Variants in GSDME observed in about 807,000 individuals in gnomAD.
The protein encoded by GSDME is gasdermin E.
Under a neutral mutation model 47.5 loss-of-function variants are expected in GSDME, and 44 were observed. That is an observed-to-expected ratio of 0.93 (90% CI 0.73 to 1.19). GSDME has a LOEUF of 1.19. Ranked by LOEUF, GSDME falls within the 50% of genes most tolerant of loss-of-function variation. The pLI is 0.00. For missense variants in GSDME, 663 were observed against 604.2 expected, an observed-to-expected ratio of 1.10 and a Z score of -1.02; for synonymous variants, 258 against 252.8, an observed-to-expected ratio of 1.02 and a Z score of -0.20.
At chr7:24,727,988 C>T (rs1422759799) in intron 3 of GSDME, among the ~76,000 whole-genome samples, 3 of 152,164 alleles carry the variant, frequency 2.0e-5, no homozygotes, top group African/African-American at 4.8e-5. Flanking sequence ...CACTAGCTGC[C>T]GTCCCCAGCA....
At chr7:24,707,806 C>G in intron 7 of GSDME, 1 of 521,776 alleles carries the variant, frequency 1.9e-6, no homozygotes, top group Non-Finnish European at 3.4e-6. Context: ...CAGCAGAATT[C>G]TCTCCTAGAT....
In GSDME at chr7:24,728,330, T is replaced by C. The variant is rs1308295888; in HGVS notation, c.405-9112A>G. On this transcript the variant is annotated intron_variant, in intron 3 of 9. Coordinates refer to ENST00000645220, the MANE Select transcript of GSDME (RefSeq NM_001127453.2). The surrounding 1 kb of genome is among the most constrained non-coding windows in gnomAD (Gnocchi z 7.2). ...GCCCACAGAGCCACCGAACTGACCT[T>C]CTGCCGTTAACCATTCAGTCAACCG... 2.6e-5 allele frequency among the ~76,000 whole-genome samples: 4 copies of C among 152,188 alleles called. No homozygotes were observed. Among genetic ancestry groups the C allele is most frequent in the African/African-American group, 9.7e-5 (4 of 41,436 alleles).
chr7:24,704,663 AGTCAGTCTCACATTATGT>A (rs1225541931), intron 8 of GSDME: 5 of 152,192 alleles, frequency 3.3e-5, no homozygotes, highest in Non-Finnish European at 7.3e-5. Flanking sequence ...AGAAACAGCA[AGTCAGTCTCACATTATGT>A]GTCAACTGCG....
At chr7:24,782,728 G>A in the GSDME span, among the ~76,000 whole-genome samples, 2 of 152,200 alleles carry the variant, frequency 1.3e-5, no homozygotes, top group African/African-American at 4.8e-5. Context: ...TCCAGCACCT[G>A]TTGTTTCCTG....
In GSDME at chr7:24,728,758, A is replaced by C. The variant is rs1188430473; in HGVS notation, c.405-9540T>G. ...CCATTTCAACCACGTTTCATAACAGAAACTTCCCACACATCAGAGATGCTC... is the reference window on the plus strand; with the variant it reads ...CCATTTCAACCACGTTTCATAACAGCAACTTCCCACACATCAGAGATGCTC... On this transcript the variant is annotated intron_variant, in intron 3 of 9. Transcript: ENST00000645220. This position sits in a 1 kb window ranked among gnomAD's most constrained non-coding sequence, Gnocchi z 7.2. 6.6e-6 allele frequency among the ~76,000 whole-genome samples: 1 copy of C among 152,178 alleles called. No individual in the cohort carries two copies. The highest frequency in any genetic ancestry group is 1.5e-5 in the Non-Finnish European group (1 of 68,034).
At chr7:24,709,810 A>G (rs2721811) in intron 6 of GSDME, among the ~76,000 whole-genome samples, 88,042 of 152,090 alleles carry the variant, frequency 0.58, 28,017 homozygotes, top group East Asian at 0.99. Flanking sequence ...AAGGCTGACA[A>G]AGCATTGCTT....
chr7:24,719,906 G>A lies in GSDME; in HGVS notation c.405-688C>T, dbSNP rs142234602. ...TAATCAGAGCTGAAGGATGTCAGAC[G>A]TCACAGCCATGGCCCAGGGAATACA... is the stretch of plus-strand genomic sequence containing the variant. On this transcript the variant is annotated intron_variant, in intron 3 of 9. Coordinates refer to ENST00000645220, the MANE Select transcript of GSDME (RefSeq NM_001127453.2). 1.3e-4 allele frequency among the ~76,000 whole-genome samples: 20 copies of A among 152,270 alleles called. No homozygotes were observed. In the East Asian group the frequency reaches 3.1e-3, roughly 23 times the overall value.
chr7:24,777,573 C>G, the GSDME span, among the ~76,000 whole-genome samples: 1 of 152,194 alleles, frequency 6.6e-6, no homozygotes, highest in Non-Finnish European at 1.5e-5. Flanking sequence ...AAGACTGAGC[C>G]TGAATTCCTC....
At chr7:24,707,134 A>C (rs1310466941) in intron 7 of GSDME, 2 of 360,072 alleles carry the variant, frequency 5.6e-6, no homozygotes, top group African/African-American at 2.1e-5. Context: ...AGGTTCCATC[A>C]CTGATACCCA....
intron 3 of GSDME, among the ~76,000 whole-genome samples, chr7:24,734,111 G>A (rs947319556): frequency 6.6e-6 from 1 of 152,204 alleles, no homozygotes; most frequent in Non-Finnish European, 1.5e-5. Context: ...AGAAAGTAAG[G>A]GAAGAGAACA....
At chr7:24,765,972 T>C in the GSDME span, among the ~76,000 whole-genome samples, 1 of 152,214 alleles carries the variant, frequency 6.6e-6, no homozygotes, top group South Asian at 2.1e-4. Context: ...TAACTTTTGA[T>C]TACTGCCTAA....
rs572096463 is a variant in GSDME at position 24,736,780 on chromosome 7, A to T, written c.404+7782T>A. Among the ~76,000 whole-genome samples, 46 of 152,306 alleles carry T rather than the reference A, an allele frequency of 3.0e-4. No individual in the cohort carries two copies. The South Asian group carries it at 9.3e-3, about 31-fold the overall frequency. ...TGTTAGGCCACAAAACAAGTTTCAA[A>T]ACATCCAAAAAATTGAAATAATATA... On this transcript the variant is annotated intron_variant, in intron 3 of 9. Transcript: ENST00000645220. The surrounding 1 kb of genome is among the most constrained non-coding windows in gnomAD (Gnocchi z 4.6).
chr7:24,737,389 A>G (rs1462573875), intron 3 of GSDME, among the ~76,000 whole-genome samples: 1 of 152,058 alleles, frequency 6.6e-6, no homozygotes, highest in East Asian at 1.9e-4. Context: ...AAATTGGAAA[A>G]CCTAGAAGAA....
At chr7:24,704,075 A>G (rs1788995156) in intron 8 of GSDME, 1 of 152,210 alleles carries the variant, frequency 6.6e-6, no homozygotes, top group Non-Finnish European at 1.5e-5. Flanking sequence ...GGGGCACAGA[A>G]ATGAAAGAAC....
chr7:24,721,512 G>A lies in GSDME; in HGVS notation c.405-2294C>T, dbSNP rs561142213. Reference sequence around the variant, plus strand: ...GCCACCTCTGCACCTAGGTTTTCTCGTGCATGAACTGTTGGTAACAGGGCC... The same window carrying A: ...GCCACCTCTGCACCTAGGTTTTCTCATGCATGAACTGTTGGTAACAGGGCC... On this transcript the variant is annotated intron_variant, in intron 3 of 9. Coordinates refer to ENST00000645220, the MANE Select transcript of GSDME (RefSeq NM_001127453.2). The surrounding 1 kb of genome is among the most constrained non-coding windows in gnomAD (Gnocchi z 4.1). Among the ~76,000 whole-genome samples the A allele has an allele frequency of 2.6e-5, 4 of 152,266 alleles. No homozygotes were observed. Among genetic ancestry groups the A allele is most frequent in the South Asian group, 2.1e-4 (1 of 4,828 alleles).
At chr7:24,774,483 C>T in the GSDME span, among the ~76,000 whole-genome samples, 9 of 151,736 alleles carry the variant, frequency 5.9e-5, no homozygotes, top group Non-Finnish European at 4.4e-5. Context: ...TGCAAACTTA[C>T]TCATGCTTAC....
intron 4 of GSDME, among the ~76,000 whole-genome samples, chr7:24,718,491 T>C (rs756776839): frequency 7.2e-5 from 11 of 152,350 alleles, no homozygotes; most frequent in Non-Finnish European, 1.6e-4. Flanking sequence ...CAGCAGCTAA[T>C]TCCAAGTAAT....
At chr7:24,762,669 G>A (rs6979115), upstream of GSDME, among the ~76,000 whole-genome samples, 8,929 of 152,070 alleles carry the variant, frequency 0.059, 620 homozygotes, top group African/African-American at 0.16. Flanking sequence ...GTAGTATAGC[G>A]GGAAAGGCAG....
In GSDME at chr7:24,716,553, T is replaced by A. The variant is rs958248844; in HGVS notation, c.697+701A>T. ...ACACAACCTCTTCTCATTGGGAACA[T>A]GAGGAGGGAAGGGGCTGTGAACACC... is the stretch of plus-strand genomic sequence containing the variant. On this transcript the variant is annotated intron_variant, in intron 5 of 9. Coordinates refer to ENST00000645220, the MANE Select transcript of GSDME (RefSeq NM_001127453.2). The surrounding 1 kb of genome is among the most constrained non-coding windows in gnomAD (Gnocchi z 4.5). 1 of 153,738 alleles carries A rather than the reference T, an allele frequency of 6.5e-6. No individual in the cohort carries two copies. The highest frequency in any genetic ancestry group is 2.4e-5 in the African/African-American group (1 of 41,410). 9.5% of individuals were successfully genotyped at this position (153,738 alleles called of 1,614,324 possible).
Sources: gnomAD v4.1 joint callset for allele counts (sites outside exome capture counted in the v4.1 genomes callset) on GRCh38, gnomAD v4.1.1 for gene constraint, Gnocchi (gnomAD v3.1) non-coding constraint, MANE v1.5 for transcripts, NCBI Gene and HGNC (gene_info 2026-07-23, HGNC 2026-07-21) for gene names.